The following LYST variants were observed in gnomAD, a reference collection of about 807,000 sequenced individuals.
LYST encodes the protein lysosomal trafficking regulator.
A neutral mutation model predicts 413.6 loss-of-function variants in LYST; 192 were observed. The ratio of observed to expected loss-of-function variants is 0.46; its 90% confidence interval spans 0.41 to 0.52. LYST has a LOEUF of 0.52. Ranked by LOEUF, LYST falls within the 20% of genes least tolerant of loss-of-function variation. LYST has a pLI of 0.00. For missense variants in LYST, 3,815 were observed against 4,499.9 expected, an observed-to-expected ratio of 0.85 and a Z score of 4.35; for synonymous variants, 1,525 against 1,567.3, an observed-to-expected ratio of 0.97 and a Z score of 0.64.
intron 29 of LYST, 143 bp from the exon 30 acceptor site, chr1:235,744,300 G>A (rs1304752247): frequency 8.1e-6 from 5 of 613,642 alleles, no homozygotes; most frequent in Admixed American, 5.7e-5. Flanking sequence ...TGTATTAGAT[G>A]TAATAGATAC....
intron 1 of LYST, among the ~76,000 whole-genome samples, chr1:235,875,435 G>A (rs527599511): frequency 1.1e-3 from 168 of 152,310 alleles, no homozygotes; most frequent in Non-Finnish European, 1.9e-3. Flanking sequence ...CAGGGATGCT[G>A]ATTAAGCATT....
At chr1:235,701,848 T>C (rs1661578523) in intron 45 of LYST, among the ~76,000 whole-genome samples, 1 of 152,364 alleles carries the variant, frequency 6.6e-6, no homozygotes, top group Admixed American at 6.5e-5. Context: ...ATAAGTTTTG[T>C]TTGTATTTAA....
At chr1:235,715,047 G>T (rs183232576) in intron 42 of LYST, among the ~76,000 whole-genome samples, 154 bp downstream of exon 42, 125 of 152,266 alleles carry the variant, frequency 8.2e-4, no homozygotes, top group African/African-American at 2.8e-3. Flanking sequence ...CAGCTTTTTT[G>T]AGGAGCACTT....
At chr1:235,876,362 T>TA (rs200848640) in intron 1 of LYST, among the ~76,000 whole-genome samples, 111 of 152,196 alleles carry the variant, frequency 7.3e-4, no homozygotes, top group African/African-American at 2.1e-3. Flanking sequence ...TTATTTTCTT[T>TA]AAAAAAAATG....
intron 38 of LYST, among the ~76,000 whole-genome samples, 167 bp downstream of exon 38, chr1:235,727,909 C>T (rs1383620507): frequency 6.6e-6 from 1 of 152,120 alleles, no homozygotes; most frequent in African/African-American, 2.4e-5. Context: ...GTACAGTCTT[C>T]TTTTTAAAAT....
intron 31 of LYST, chr1:235,737,964 C>G: frequency 4.4e-6 from 6 of 1,353,086 alleles, no homozygotes; most frequent in South Asian, 3.8e-5. Context: ...GACGTGCATT[C>G]TCGATTCCTT....
At chr1:235,765,940 A>G in intron 21 of LYST, 139 bp downstream of exon 21, 1 of 750,062 alleles carries the variant, frequency 1.3e-6, no homozygotes, top group Non-Finnish European at 2.4e-6. Flanking sequence ...TCATTCTATA[A>G]CTCTCTGCCC....
intron 31 of LYST, chr1:235,737,018 TC>T (rs1251361412): frequency 4.6e-5 from 7 of 151,182 alleles, no homozygotes; most frequent in Non-Finnish European, 1.0e-4. Context: ...CCCAAAGGAA[TC>T]CCAAAAAACT....
chr1:235,664,588 A>C lies in LYST; in HGVS notation c.11072T>G (p.Val3691Gly), dbSNP rs1571946930. The C allele has an allele frequency of 6.2e-7, 1 of 1,614,140 alleles. No homozygotes were observed. The highest frequency in any genetic ancestry group is 8.5e-7 in the Non-Finnish European group (1 of 1,180,026). The change falls in exon 51 of 53, where the codon GTG (valine) becomes GGG (glycine). Residue 3691 changes from valine to glycine, a missense_variant. This residue lies in a region of LYST where 866 missense variants were observed against 1,156.0 expected (regional missense o/e 0.75). Transcript: ENST00000389793. The surrounding 1 kb of genome is among the most constrained non-coding windows in gnomAD (Gnocchi z 4.5). ...GACATGTCCAACGAGATCCCCGTTC[A>C]CCGTCCAGAGTCTGAGGTCACTGCC... ...GGGSDLRLWT[V>G]NGDLVGHVHC...
At chr1:235,683,629 C>T (rs1488140203) in intron 48 of LYST, among the ~76,000 whole-genome samples, 1 of 152,182 alleles carries the variant, frequency 6.6e-6, no homozygotes, top group Non-Finnish European at 1.5e-5. Context: ...CCTAAGATCC[C>T]CTTGAAAGTA....
chr1:235,882,018 A>G (rs2103249449), intron 1 of LYST, among the ~76,000 whole-genome samples: 1 of 151,966 alleles, frequency 6.6e-6, no homozygotes, highest in African/African-American at 2.4e-5. Flanking sequence ...AAGACGATAA[A>G]TTTTATGTTA....
intron 41 of LYST, 25 bp from the exon 42 acceptor site, chr1:235,715,382 A>C: frequency 6.2e-7 from 1 of 1,612,172 alleles, no homozygotes; most frequent in Non-Finnish European, 8.5e-7. Flanking sequence ...GAATCCAGAG[A>C]ATTCATGATT....
intron 31 of LYST, chr1:235,734,891 G>A: frequency 6.2e-6 from 2 of 324,222 alleles, no homozygotes; most frequent in Non-Finnish European, 1.1e-5. Context: ...TGTTACATAG[G>A]AAAACATTTA....
rs370286801 is a variant in LYST, at chr1:235,803,104, G to C, written c.3556-40C>G. 5 of 1,534,556 alleles carry C rather than the reference G, an allele frequency of 3.3e-6. No homozygotes were observed. The African/African-American group carries it at 6.8e-5, about 21-fold the overall frequency. On this transcript the variant is annotated intron_variant, in intron 7 of 52. Transcript: ENST00000389793. ...AATTCAAAGGTTGTAACATTTGCTT[G>C]TTTTTAGTAATAGAATACTTATTAC...
chr1:235,705,163 C>G (rs978675576), intron 44 of LYST, among the ~76,000 whole-genome samples: 6 of 152,160 alleles, frequency 3.9e-5, no homozygotes, highest in Admixed American at 3.3e-4. Context: ...GGTCACACAA[C>G]AAGTGGCAGA....
At chr1:235,694,508 G>A (rs1158810893) in intron 46 of LYST, among the ~76,000 whole-genome samples, 1 of 152,132 alleles carries the variant, frequency 6.6e-6, no homozygotes, top group Non-Finnish European at 1.5e-5. Flanking sequence ...GAGACAATGT[G>A]CTTTATTTAT....
Position 235,782,098 on chromosome 1 carries a change from A to C in LYST, c.4863-11T>G, listed in dbSNP as rs200041286. 1.3e-4 allele frequency: 208 copies of C among 1,607,934 alleles called. 1 individual carries two copies. In the East Asian group the frequency reaches 2.8e-3, roughly 21 times the overall value. ...GTAACATCAGGCTTCCTACATTAAA[A>C]ACAAAACAAAGTTAAAGCAATGACT... is the stretch of plus-strand genomic sequence containing the variant. On this transcript the variant is annotated splice_polypyrimidine_tract_variant and intron_variant, in intron 14 of 52. Transcript: ENST00000389793.
intron 3 of LYST, among the ~76,000 whole-genome samples, chr1:235,823,482 T>C (rs1675002605): frequency 6.6e-6 from 1 of 152,262 alleles, no homozygotes; most frequent in Admixed American, 6.5e-5. Context: ...ATCTGAAGAA[T>C]AATTCTCATT....
upstream of LYST, among the ~76,000 whole-genome samples, chr1:235,871,888 T>C (rs1680940638): frequency 6.6e-6 from 1 of 152,192 alleles, no homozygotes; most frequent in Non-Finnish European, 1.5e-5. Flanking sequence ...AAAAGATTTC[T>C]ACATGTCGGG....
Sources: gnomAD v4.1 joint callset for allele counts (sites outside exome capture counted in the v4.1 genomes callset) on GRCh38, gnomAD v4.1.1 for gene constraint, gnomAD v4.1.1 regional missense constraint, Gnocchi (gnomAD v3.1) non-coding constraint, MANE v1.5 for transcripts, NCBI Gene and HGNC (gene_info 2026-07-23, HGNC 2026-07-21) for gene names.